The following RBMS3 variants were observed in gnomAD, a reference collection of about 807,000 sequenced individuals.
The protein encoded by RBMS3 is RNA binding motif single stranded interacting protein 3.
A neutral mutation model predicts 66.8 loss-of-function variants in RBMS3; 27 were observed. That is an observed-to-expected ratio of 0.40 (90% CI 0.30 to 0.56). RBMS3 has a LOEUF of 0.56. RBMS3 is among the 20% of genes least tolerant of loss of function. The probability of loss-of-function intolerance (pLI) is 0.40; values close to 1 mark genes in which losing one functional copy is unlikely to be tolerated. For synonymous variants in RBMS3, 188 were observed against 183.0 expected, an observed-to-expected ratio of 1.03 and a Z score of -0.22; for missense variants, 513 against 549.5, an observed-to-expected ratio of 0.93 and a Z score of 0.66.
At chr3:29,599,589 A>C (rs2048076322) in intron 4 of RBMS3, among the ~76,000 whole-genome samples, 2 of 152,070 alleles carry the variant, frequency 1.3e-5, no homozygotes, top group African/African-American at 4.8e-5. Flanking sequence ...GACTGACCAC[A>C]TTCCAATCAA....
rs187786205 is a variant in RBMS3, at chr3:29,573,713, C to A, written c.308-13401C>A. On this transcript the variant is annotated intron_variant, in intron 3 of 14. Coordinates refer to ENST00000383767, the MANE Select transcript of RBMS3 (RefSeq NM_001003793.3). ...GTAGGCACTTATAACTATAAACTTCCCTCTGAGTACTGCTTTTTCTGTATT... is the reference window on the plus strand; with the variant it reads ...GTAGGCACTTATAACTATAAACTTCACTCTGAGTACTGCTTTTTCTGTATT... Among the ~76,000 whole-genome samples the A allele has an allele frequency of 4.1e-3, 624 of 151,860 alleles. 3 individuals are homozygous for A. The highest frequency in any genetic ancestry group is 0.014 in the African/African-American group (593 of 41,428).
chr3:29,478,434 T>C (rs930112098), intron 2 of RBMS3, among the ~76,000 whole-genome samples: 3 of 152,052 alleles, frequency 2.0e-5, no homozygotes, highest in African/African-American at 7.2e-5. Flanking sequence ...CCCTCTTTCG[T>C]AAGGGGACTA....
At chr3:29,409,728 G>T (rs974161241) in intron 1 of RBMS3, among the ~76,000 whole-genome samples, 13 of 152,174 alleles carry the variant, frequency 8.5e-5, no homozygotes, top group Non-Finnish European at 1.3e-4. Flanking sequence ...AGAGTATACT[G>T]GACTGGGGTA....
At chr3:29,397,949 C>T (rs958144138) in intron 1 of RBMS3, among the ~76,000 whole-genome samples, 6 of 152,102 alleles carry the variant, frequency 3.9e-5, no homozygotes, top group African/African-American at 1.4e-4. Context: ...AAGATGCTTC[C>T]ATGATGAGCA....
chr3:29,827,780 C>T (rs1181455207), intron 6 of RBMS3, among the ~76,000 whole-genome samples: 1 of 152,094 alleles, frequency 6.6e-6, no homozygotes, highest in African/African-American at 2.4e-5. Flanking sequence ...TCCAAACAGC[C>T]TATTGACAAG....
intron 1 of RBMS3, among the ~76,000 whole-genome samples, chr3:29,305,911 A>C (rs954012632): frequency 2.0e-5 from 3 of 152,044 alleles, no homozygotes; most frequent in African/African-American, 7.2e-5. Context: ...ATAGATTCAG[A>C]GTTTGGGTCC....
At chr3:29,474,223 GT>G (rs1413911106) in intron 2 of RBMS3, among the ~76,000 whole-genome samples, 1 of 152,226 alleles carries the variant, frequency 6.6e-6, no homozygotes, top group Non-Finnish European at 1.5e-5. Context: ...GCTCCGCATT[GT>G]TTGAGGATTC....
intron 3 of RBMS3, among the ~76,000 whole-genome samples, chr3:29,547,856 G>A (rs1358596801): frequency 7.1e-6 from 1 of 141,462 alleles, no homozygotes; most frequent in Non-Finnish European, 1.5e-5. Context: ...CTGTTTTCCA[G>A]GCTGGAGTGC....
intron 1 of RBMS3, among the ~76,000 whole-genome samples, chr3:29,303,614 A>G (rs960728767): frequency 6.6e-6 from 1 of 152,054 alleles, no homozygotes; most frequent in Non-Finnish European, 1.5e-5. Flanking sequence ...GTTGAGAGGA[A>G]TACATTATTA....
At chr3:29,679,768 G>GGA (rs138141467) in intron 4 of RBMS3, among the ~76,000 whole-genome samples, 1 of 145,380 alleles carries the variant, frequency 6.9e-6, no homozygotes, top group Admixed American at 6.9e-5. Flanking sequence ...CTACTTGACT[G>GGA]TATATATATA....
chr3:29,334,691 TGTC>T (rs1382979658), intron 1 of RBMS3, among the ~76,000 whole-genome samples: 3 of 152,180 alleles, frequency 2.0e-5, no homozygotes, highest in Non-Finnish European at 4.4e-5. Flanking sequence ...AGTCAGGACA[TGTC>T]GTTGTTCAGG....
intron 4 of RBMS3, among the ~76,000 whole-genome samples, chr3:29,606,670 AT>A (rs138536919): frequency 6.6e-6 from 1 of 151,456 alleles, no homozygotes; most frequent in Non-Finnish European, 1.5e-5. Context: ...ATAAGTGGAC[AT>A]GGGAAAAAAA....
chr3:29,693,414 T>C (rs1221977111), intron 4 of RBMS3, among the ~76,000 whole-genome samples: 1 of 152,182 alleles, frequency 6.6e-6, no homozygotes, highest in Non-Finnish European at 1.5e-5. Context: ...ATGTCCTATA[T>C]CTAATAAACA....
At chr3:29,477,055 C>A (rs543440804) in intron 2 of RBMS3, among the ~76,000 whole-genome samples, 1 of 152,152 alleles carries the variant, frequency 6.6e-6, no homozygotes, top group Non-Finnish European at 1.5e-5. Flanking sequence ...TGCTACAGTA[C>A]ACGGAATTTC....
At chr3:29,452,302 G>A (rs764323943) in intron 2 of RBMS3, among the ~76,000 whole-genome samples, 16 of 152,120 alleles carry the variant, frequency 1.1e-4, no homozygotes, top group Non-Finnish European at 1.8e-4. Context: ...TAGATATACA[G>A]TCTTGCCATC....
intron 3 of RBMS3, among the ~76,000 whole-genome samples, chr3:29,566,890 T>C (rs2046763677): frequency 6.6e-6 from 1 of 152,138 alleles, no homozygotes; most frequent in African/African-American, 2.4e-5. Flanking sequence ...ATGGCATTTA[T>C]CATATGCAAG....
intron 6 of RBMS3, among the ~76,000 whole-genome samples, chr3:29,809,157 T>C (rs1171457013): frequency 1.3e-5 from 2 of 151,752 alleles, no homozygotes; most frequent in Non-Finnish European, 2.9e-5. Context: ...GATCTCAGAT[T>C]TTAAGAGTTT....
At chr3:29,394,424 A>G (rs2039452557) in intron 1 of RBMS3, among the ~76,000 whole-genome samples, 1 of 152,196 alleles carries the variant, frequency 6.6e-6, no homozygotes. Context: ...TAATGCAATC[A>G]TCACAGGGTC....
chr3:29,344,643 G>A (rs553492344), intron 1 of RBMS3, among the ~76,000 whole-genome samples: 2 of 152,010 alleles, frequency 1.3e-5, no homozygotes, highest in Admixed American at 6.6e-5. Context: ...CCCTTAGAAA[G>A]GTGACTATCC....
Sources: allele counts gnomAD v4.1 joint callset (sites outside exome capture counted in the v4.1 genomes callset), GRCh38; gene constraint gnomAD v4.1.1; transcripts MANE v1.5; gene names NCBI Gene and HGNC (gene_info 2026-07-23, HGNC 2026-07-21).